Variants in NFIB observed in about 807,000 individuals in gnomAD.
NFIB encodes nuclear factor 1 B-type.
A neutral mutation model predicts 61.5 loss-of-function variants in NFIB; 11 were observed. The ratio of observed to expected loss-of-function variants is 0.18; its 90% confidence interval spans 0.11 to 0.30. The LOEUF is 0.30. Among genes scored for constraint, NFIB ranks in the 10% least tolerant of loss-of-function variants. NFIB has a pLI of 1.00. For synonymous variants in NFIB, 260 were observed against 216.5 expected (o/e 1.20, Z -1.76); for missense variants, 471 against 608.9 (o/e 0.77, Z 2.38).
intron 1 of NFIB, among the ~76,000 whole-genome samples, chr9:14,383,719 A>C (rs1228701978): frequency 6.6e-6 from 1 of 152,216 alleles, no homozygotes; most frequent in African/African-American, 2.4e-5. Context: ...TGCACCTTTC[A>C]TCATGGCAGA....
At chr9:14,286,327 C>T (rs916512436) in intron 2 of NFIB, among the ~76,000 whole-genome samples, 2 of 152,136 alleles carry the variant, frequency 1.3e-5, no homozygotes, top group African/African-American at 2.4e-5. Flanking sequence ...TTAGGAGCAG[C>T]GCAGAGTCCA....
chr9:14,306,579 A>C (rs2060030238), intron 2 of NFIB, among the ~76,000 whole-genome samples: 6 of 152,160 alleles, frequency 3.9e-5, no homozygotes, highest in Admixed American at 3.9e-4. Context: ...AAAATTATCT[A>C]GGATGGTTTG....
Position 14,085,336 on chromosome 9 carries a change from T to A in NFIB, c.*2973A>T. ...AAGACAGCCTACCATGTGTCACCAA[T>A]TCTGAAAGATTTTCCTTCTAGTAAT... is the stretch of plus-strand genomic sequence containing the variant. On this transcript the variant is annotated 3_prime_UTR_variant, in exon 11 of 11. Coordinates refer to ENST00000380953, the MANE Select transcript of NFIB (RefSeq NM_001190737.2). 4.4e-6 allele frequency: 1 copy of A among 225,382 alleles called. No homozygotes were observed. The highest frequency in any genetic ancestry group is 8.8e-6 in the Non-Finnish European group (1 of 113,142). 14.0% of individuals were successfully genotyped at this position (225,382 alleles called of 1,614,324 possible).
At chr9:14,192,839 T>C (rs1563885489) in intron 2 of NFIB, among the ~76,000 whole-genome samples, 1 of 152,156 alleles carries the variant, frequency 6.6e-6, no homozygotes, top group Non-Finnish European at 1.5e-5. Context: ...CCCATGAAAT[T>C]CCTCCTATTG....
At chr9:14,499,285 G>T in the NFIB span, among the ~76,000 whole-genome samples, 1 of 152,178 alleles carries the variant, frequency 6.6e-6, no homozygotes, top group Non-Finnish European at 1.5e-5. Context: ...TGGGAATGAA[G>T]ACCGGGATGG....
the NFIB span, among the ~76,000 whole-genome samples, chr9:14,530,896 C>A: frequency 8.9e-5 from 13 of 146,524 alleles, no homozygotes; most frequent in African/African-American, 3.3e-4. Context: ...AGGAAAGGGG[C>A]AAAAAGAAGA....
upstream of NFIB, among the ~76,000 whole-genome samples, chr9:14,318,505 CTTTTTTTTTT>C (rs34481505): frequency 4.5e-5 from 3 of 66,842 alleles, no homozygotes; most frequent in African/African-American, 6.6e-5. Flanking sequence ...CACTCGATGC[CTTTTTTTTTT>C]TTTTTTTTTT....
chr9:14,394,185 G>C (rs191087595), intron 1 of NFIB, among the ~76,000 whole-genome samples: 161 of 152,236 alleles, frequency 1.1e-3, no homozygotes, highest in African/African-American at 3.7e-3. Context: ...GGGAAAAACA[G>C]CCAAATAAAT....
At chr9:14,325,145 C>A (rs2060738411) in intron 1 of NFIB, among the ~76,000 whole-genome samples, 2 of 151,856 alleles carry the variant, frequency 1.3e-5, no homozygotes, top group South Asian at 4.2e-4. Flanking sequence ...AATTAAGGTC[C>A]AGTATCTTTT....
the NFIB span, among the ~76,000 whole-genome samples, chr9:14,427,947 T>TTTTTTTTTGTTG: frequency 9.8e-6 from 1 of 101,626 alleles, no homozygotes; most frequent in Non-Finnish European, 2.0e-5. Context: ...GTTTTTTTTT[T>TTTTTTTTTGTTG]TTTTTTTTTT....
the NFIB span, among the ~76,000 whole-genome samples, chr9:14,467,941 G>A: frequency 6.6e-6 from 1 of 152,228 alleles, no homozygotes; most frequent in African/African-American, 2.4e-5. Context: ...GCCCTGATCT[G>A]TGCAATTCCA....
At chr9:14,121,835 T>C (rs2038979944) in intron 7 of NFIB, among the ~76,000 whole-genome samples, 1 of 152,144 alleles carries the variant, frequency 6.6e-6, no homozygotes, top group Non-Finnish European at 1.5e-5. Flanking sequence ...TTACTATAAC[T>C]TCTCAACATT....
At chr9:14,477,224 G>A in the NFIB span, among the ~76,000 whole-genome samples, 2 of 152,150 alleles carry the variant, frequency 1.3e-5, no homozygotes, top group Admixed American at 6.5e-5. Flanking sequence ...TGCTTACCAA[G>A]TATGGGACAG....
intron 2 of NFIB, among the ~76,000 whole-genome samples, chr9:14,289,827 A>G (rs1023727979): frequency 1.3e-5 from 2 of 152,036 alleles, no homozygotes; most frequent in African/African-American, 4.8e-5. Flanking sequence ...ATTTCTTCCA[A>G]CCTTATTTGT....
At chr9:14,478,492 G>A in the NFIB span, among the ~76,000 whole-genome samples, 4 of 152,134 alleles carry the variant, frequency 2.6e-5, no homozygotes, top group Non-Finnish European at 4.4e-5. Context: ...CTACCCTAAA[G>A]AGATCTTGTA....
the NFIB span, among the ~76,000 whole-genome samples, chr9:14,423,088 T>C: frequency 6.6e-6 from 1 of 152,198 alleles, no homozygotes; most frequent in Non-Finnish European, 1.5e-5. Flanking sequence ...CACATGCCAG[T>C]AGCAATATTT....
At chr9:14,444,044 C>T in the NFIB span, among the ~76,000 whole-genome samples, 1 of 152,150 alleles carries the variant, frequency 6.6e-6, no homozygotes, top group Admixed American at 6.5e-5. Flanking sequence ...CTAAGATCAG[C>T]TAAGCAAAAT....
At chr9:14,340,934 T>A (rs1355429288) in intron 1 of NFIB, among the ~76,000 whole-genome samples, 1 of 148,490 alleles carries the variant, frequency 6.7e-6, no homozygotes, top group Non-Finnish European at 1.5e-5. Context: ...TGGGAGCGGG[T>A]GGGCGGTGGC....
chr9:14,139,190 T>C (rs1279470383), intron 6 of NFIB, among the ~76,000 whole-genome samples: 1 of 152,176 alleles, frequency 6.6e-6, no homozygotes, highest in Non-Finnish European at 1.5e-5. Flanking sequence ...GGCTCTGCCA[T>C]TCATTAGTTG....
Sources: allele counts gnomAD v4.1 joint callset (sites outside exome capture counted in the v4.1 genomes callset), GRCh38; gene constraint gnomAD v4.1.1; transcripts MANE v1.5; gene names NCBI Gene and HGNC (gene_info 2026-07-23, HGNC 2026-07-21).